NBEA: variants seen among roughly 807,000 people sequenced by gnomAD.
NBEA encodes neurobeachin.
Under a neutral mutation model 343.4 loss-of-function variants are expected in NBEA, and 44 were observed. The ratio of observed to expected loss-of-function variants is 0.13; its 90% CI spans 0.10 to 0.16. NBEA has a LOEUF of 0.16. Ranked by LOEUF, NBEA falls within the 10% of genes least tolerant of loss-of-function variation. The pLI is 1.00. For synonymous variants in NBEA, 1,175 were observed against 1,238.7 expected (o/e 0.95, Z 1.08); for missense variants, 2,555 against 3,631.3 (o/e 0.70, Z 7.62).
intron 38 of NBEA, among the ~76,000 whole-genome samples, chr13:35,425,397 G>C (rs1304958089): frequency 6.6e-6 from 1 of 152,088 alleles, no homozygotes; most frequent in Non-Finnish European, 1.5e-5. Flanking sequence ...CCTTCATTTT[G>C]TTATGTACCC....
At chr13:35,154,830 C>T (rs2069043501) in intron 18 of NBEA, among the ~76,000 whole-genome samples, 1 of 152,084 alleles carries the variant, frequency 6.6e-6, no homozygotes, top group African/African-American at 2.4e-5. Context: ...CCTTGTCACA[C>T]TTACTGAAGT....
chr13:35,208,983 A>G lies in NBEA; in HGVS notation c.5521+129A>G, dbSNP rs1208769938. On this transcript the variant is annotated intron_variant, in intron 32 of 58. Transcript: ENST00000379939. ...TTATCTTAATTTTTAAGAAGGTTAT[A>G]TTTTATGTTATGACTTTTAGAATTT... 11 of 777,222 alleles carry G rather than the reference A, an allele frequency of 1.4e-5. 1 individual carries two copies. Among genetic ancestry groups the G allele is most frequent in the Non-Finnish European group, 2.1e-5 (11 of 528,572 alleles). The allele number at this position is 777,222 out of a possible 1,614,324, so 48.1% of individuals were successfully genotyped here.
intron 41 of NBEA, among the ~76,000 whole-genome samples, chr13:35,512,827 G>A (rs1450636530): frequency 6.6e-6 from 1 of 152,160 alleles, no homozygotes; most frequent in Non-Finnish European, 1.5e-5. Flanking sequence ...GTACCTTGCG[G>A]TCCTCATAGG....
chr13:35,128,538 C>T (rs1214494346), intron 17 of NBEA, among the ~76,000 whole-genome samples: 9 of 152,054 alleles, frequency 5.9e-5, no homozygotes, highest in South Asian at 2.1e-4. Context: ...CATGCTGGCT[C>T]CAGGGGCTCA....
At position 35,139,750 on chromosome 13, in the gene NBEA, T is replaced by TG. The variant is rs1555316299; in HGVS notation, c.2337-2519_2337-2518insG. 6.1e-4 allele frequency among the ~76,000 whole-genome samples: 85 copies of TG among 140,364 alleles called. 2 individuals are homozygous for TG. The East Asian group carries it at 0.014, about 23-fold the overall frequency. The allele number at this position is 140,364 out of a possible 152,430, so 92.1% of individuals were successfully genotyped here. On this transcript the variant is annotated intron_variant, in intron 17 of 58. Coordinates refer to ENST00000379939, the MANE Select transcript of NBEA (RefSeq NM_001385012.1). ...GCCTAAGATGATGGATGGCGTTTTT[T>TG]TTTTTTTTTTTTTTTTTTTTTTATC... is the stretch of plus-strand genomic sequence containing the variant.
intron 48 of NBEA, among the ~76,000 whole-genome samples, chr13:35,612,144 T>C: frequency 6.6e-6 from 1 of 152,070 alleles, no homozygotes; most frequent in East Asian, 1.9e-4. Context: ...TTTTTTCTTT[T>C]TTTTTTGAGA....
chr13:35,135,407 A>G (rs1212954461), intron 17 of NBEA, among the ~76,000 whole-genome samples: 1 of 152,148 alleles, frequency 6.6e-6, no homozygotes, highest in Middle Eastern at 3.4e-3. Context: ...AGCCAAAGGA[A>G]ATTGGAAATG....
chr13:35,092,839 C>G (rs1019382690), intron 10 of NBEA, among the ~76,000 whole-genome samples: 1 of 151,980 alleles, frequency 6.6e-6, no homozygotes, highest in African/African-American at 2.4e-5. Context: ...CTTTCTACTC[C>G]TCGGCATTTA....
At chr13:35,002,863 G>A (rs1419377016) in intron 1 of NBEA, among the ~76,000 whole-genome samples, 6 of 152,154 alleles carry the variant, frequency 3.9e-5, no homozygotes, top group Admixed American at 1.3e-4. Flanking sequence ...GCTTGAAGAA[G>A]TGGTAGTCAG....
chr13:35,633,895 AAAG>A (rs1179273646), intron 49 of NBEA, among the ~76,000 whole-genome samples: 1 of 152,196 alleles, frequency 6.6e-6, no homozygotes, highest in Non-Finnish European at 1.5e-5. Context: ...TATTTAGTAA[AAAG>A]AAGCAGTTGT....
intron 34 of NBEA, among the ~76,000 whole-genome samples, chr13:35,276,860 C>A (rs527537444): frequency 3.9e-5 from 6 of 152,156 alleles, no homozygotes; most frequent in Admixed American, 3.3e-4. Context: ...GCAAAGTCCA[C>A]GTTTTTTTAA....
chr13:35,311,314 T>TA (rs140991736), intron 36 of NBEA, among the ~76,000 whole-genome samples: 1 of 151,096 alleles, frequency 6.6e-6, no homozygotes, highest in Admixed American at 6.6e-5. Flanking sequence ...AACTGCGAAG[T>TA]AAAAATATAT....
intron 1 of NBEA, among the ~76,000 whole-genome samples, chr13:34,969,130 C>T (rs1382488050): frequency 2.0e-5 from 3 of 151,554 alleles, no homozygotes; most frequent in African/African-American, 4.8e-5. Flanking sequence ...TATTTTGCAT[C>T]CCACTCTTGT....
At chr13:35,435,977 G>A (rs1171533329) in intron 39 of NBEA, among the ~76,000 whole-genome samples, 4 of 151,146 alleles carry the variant, frequency 2.6e-5, no homozygotes, top group Non-Finnish European at 4.4e-5. Flanking sequence ...AAAAGACAGG[G>A]GAAAAAAAGC....
chr13:35,303,114 A>T (rs760066856), intron 35 of NBEA, among the ~76,000 whole-genome samples: 7 of 152,152 alleles, frequency 4.6e-5, no homozygotes, highest in Non-Finnish European at 1.0e-4. Context: ...CACAGAGGAG[A>T]ACAAAAAAAT....
At chr13:35,390,630 T>C (rs1182357312) in intron 38 of NBEA, among the ~76,000 whole-genome samples, 2 of 152,128 alleles carry the variant, frequency 1.3e-5, no homozygotes, top group East Asian at 1.9e-4. Flanking sequence ...TAAATAATGC[T>C]AAAATAAGGC....
At chr13:34,980,475 TA>T in intron 1 of NBEA, among the ~76,000 whole-genome samples, 1 of 151,694 alleles carries the variant, frequency 6.6e-6, no homozygotes, top group South Asian at 2.1e-4. Flanking sequence ...TTTATTTATT[TA>T]TTTATTTAAA....
At chr13:35,104,652 A>T (rs943390492) in intron 11 of NBEA, among the ~76,000 whole-genome samples, 1 of 151,966 alleles carries the variant, frequency 6.6e-6, no homozygotes, top group African/African-American at 2.4e-5. Context: ...AACTAATAAC[A>T]GGTTACTGGT....
chr13:35,611,888 A>T (rs544393063), intron 48 of NBEA, among the ~76,000 whole-genome samples: 1 of 152,214 alleles, frequency 6.6e-6, no homozygotes, highest in Non-Finnish European at 1.5e-5. Context: ...ACAAATTTCT[A>T]TGTGAACATA....
Sources: gnomAD v4.1 joint callset for allele counts (sites outside exome capture counted in the v4.1 genomes callset) on GRCh38, gnomAD v4.1.1 for gene constraint, MANE v1.5 for transcripts, NCBI Gene and HGNC (gene_info 2026-07-23, HGNC 2026-07-21) for gene names.